Variants in MB21D2 observed in about 807,000 individuals in gnomAD.
MB21D2 encodes the protein nucleotidyltransferase MB21D2.
MB21D2 carries 9 observed loss-of-function variants against 33.3 expected under a neutral mutation model. That is an observed-to-expected ratio of 0.27 (90% confidence interval 0.16 to 0.47). The LOEUF (loss-of-function observed/expected upper bound fraction) is 0.47, where lower values mean the gene tolerates loss of function less well. Among genes scored for constraint, MB21D2 ranks in the 20% least tolerant of loss-of-function variants. The pLI is 0.99. For missense variants in MB21D2, 540 were observed against 624.6 expected (o/e 0.86, Z 1.44); for synonymous variants, 241 against 236.3 (o/e 1.02, Z -0.18).
At chr3:192,841,940 T>C (rs906371436) in intron 1 of MB21D2, among the ~76,000 whole-genome samples, 1 of 151,444 alleles carries the variant, frequency 6.6e-6, no homozygotes, top group African/African-American at 2.4e-5. Context: ...GGCAGAGGGG[T>C]GAGAGGGTTT....
chr3:192,860,138 C>G (rs1277759273), intron 1 of MB21D2, among the ~76,000 whole-genome samples: 1 of 152,170 alleles, frequency 6.6e-6, no homozygotes, highest in East Asian at 1.9e-4. Context: ...GTAGGACAGG[C>G]CTCCAAACTG....
chr3:192,867,851 G>A (rs901876710), intron 1 of MB21D2, among the ~76,000 whole-genome samples: 1 of 152,162 alleles, frequency 6.6e-6, no homozygotes, highest in African/African-American at 2.4e-5. Context: ...TGGGAGCCCG[G>A]ATCTTCCGCA....
At chr3:192,835,041 C>T (rs1359687631) in intron 1 of MB21D2, among the ~76,000 whole-genome samples, 1 of 150,272 alleles carries the variant, frequency 6.7e-6, no homozygotes, top group Non-Finnish European at 1.5e-5. Flanking sequence ...ATCTCTTGAC[C>T]TCGTGATCAG....
intron 1 of MB21D2, among the ~76,000 whole-genome samples, chr3:192,836,900 C>T (rs1712452832): frequency 6.6e-6 from 1 of 152,132 alleles, no homozygotes; most frequent in South Asian, 2.1e-4. Context: ...GGTACTCCAA[C>T]AGGGCTCATG....
intron 1 of MB21D2, among the ~76,000 whole-genome samples, chr3:192,911,000 T>C (rs1714340557): frequency 2.0e-5 from 3 of 152,342 alleles, no homozygotes; most frequent in East Asian, 1.9e-4. Context: ...GCCCAACTTA[T>C]ATATTTAGAA....
At chr3:192,852,167 C>A (rs529167592) in intron 1 of MB21D2, among the ~76,000 whole-genome samples, 3 of 152,180 alleles carry the variant, frequency 2.0e-5, no homozygotes, top group African/African-American at 7.2e-5. Context: ...AAATATGGGG[C>A]GAGATGCCTC....
At chr3:192,911,143 T>C (rs1202926544) in intron 1 of MB21D2, among the ~76,000 whole-genome samples, 1 of 152,202 alleles carries the variant, frequency 6.6e-6, no homozygotes, top group African/African-American at 2.4e-5. Flanking sequence ...CAGGGTTTTG[T>C]ATTCATCCTG....
intron 1 of MB21D2, among the ~76,000 whole-genome samples, chr3:192,824,492 AAAAT>A (rs61642372): frequency 0.027 from 3,981 of 147,564 alleles, 127 homozygotes; most frequent in African/African-American, 0.07. Flanking sequence ...CTGATTTCTG[AAAAT>A]AAATAAATAA....
chr3:192,801,820 G>A (rs1484667589), intron 1 of MB21D2, among the ~76,000 whole-genome samples: 4 of 152,166 alleles, frequency 2.6e-5, no homozygotes, highest in South Asian at 2.1e-4. Flanking sequence ...AAAATTTAAC[G>A]CTCATTTATT....
chr3:192,882,661 T>A (rs956702983), intron 1 of MB21D2, among the ~76,000 whole-genome samples: 1 of 152,078 alleles, frequency 6.6e-6, no homozygotes, highest in Non-Finnish European at 1.5e-5. Flanking sequence ...TTTAGATGTA[T>A]ATAATTTCTC....
Position 192,877,780 on chromosome 3 carries a change from C to G in MB21D2, c.211+39850G>C, listed in dbSNP as rs563844292. ...AATTACTCAGATTGGGGCTGAGGATCTAGCAAACTCACATGCAAGTACTGC... is the reference window on the plus strand; with the variant it reads ...AATTACTCAGATTGGGGCTGAGGATGTAGCAAACTCACATGCAAGTACTGC... On this transcript the variant is annotated intron_variant, in intron 1 of 1. Coordinates refer to ENST00000392452, the MANE Select transcript of MB21D2 (RefSeq NM_178496.4). 6.2e-4 allele frequency among the ~76,000 whole-genome samples: 94 copies of G among 152,328 alleles called. 1 individual carries two copies. The highest frequency in any genetic ancestry group is 1.1e-3 in the Non-Finnish European group (75 of 68,030).
intron 1 of MB21D2, among the ~76,000 whole-genome samples, chr3:192,800,967 T>C (rs927794926): frequency 6.6e-6 from 1 of 152,224 alleles, no homozygotes; most frequent in Admixed American, 6.5e-5. Context: ...TCTTCTCGAA[T>C]TGTATACGTT....
intron 1 of MB21D2, among the ~76,000 whole-genome samples, chr3:192,913,745 T>C (rs952313665): frequency 6.6e-6 from 1 of 152,090 alleles, no homozygotes; most frequent in Admixed American, 6.5e-5. Context: ...GACAGGAAGA[T>C]AGCTTACGCC....
intron 1 of MB21D2, among the ~76,000 whole-genome samples, chr3:192,897,220 G>T (rs1713996817): frequency 6.6e-6 from 1 of 152,044 alleles, no homozygotes; most frequent in Admixed American, 6.6e-5. Context: ...AGTCAGAGAG[G>T]CTAGTTTGAT....
intron 1 of MB21D2, among the ~76,000 whole-genome samples, chr3:192,843,211 C>T (rs1352307192): frequency 1.3e-5 from 2 of 152,186 alleles, no homozygotes; most frequent in Non-Finnish European, 2.9e-5. Context: ...GGGAGAGGCT[C>T]AATCACCCAC....
At chr3:192,915,773 G>T (rs983650579) in intron 1 of MB21D2, among the ~76,000 whole-genome samples, 1 of 152,118 alleles carries the variant, frequency 6.6e-6, no homozygotes, top group African/African-American at 2.4e-5. Flanking sequence ...AAGCACAGAA[G>T]TTCCTCATGA....
At chr3:192,905,139 TA>T in intron 1 of MB21D2, among the ~76,000 whole-genome samples, 1 of 152,358 alleles carries the variant, frequency 6.6e-6, no homozygotes, top group South Asian at 2.1e-4. Context: ...TGAAGCAGCC[TA>T]AAACAGTGCT....
In MB21D2 at chr3:192,849,316, T is replaced by TC. The variant is rs1394136617; in HGVS notation, c.212-49667_212-49666insG. ...TGCAAGTTTTTCACGTCTCTTTTTT[T>TC]GGGGGGGGGGCGGGGGGTGGGGGTG... On this transcript the variant is annotated intron_variant, in intron 1 of 1. Transcript: ENST00000392452. Among the ~76,000 whole-genome samples the TC allele has an allele frequency of 4.3e-5, 4 of 92,168 alleles. No homozygotes were observed. The Admixed American group carries it at 5.2e-4, about 12-fold the overall frequency. The allele number at this position is 92,168 out of a possible 152,430, so 60.5% of individuals were successfully genotyped here.
chr3:192,899,044 T>C, intron 1 of MB21D2, among the ~76,000 whole-genome samples: 1 of 152,240 alleles, frequency 6.6e-6, no homozygotes, highest in Admixed American at 6.5e-5. Context: ...AAAAGAGCAC[T>C]GAGGCCCTCT....
Sources: allele counts gnomAD v4.1 joint callset (sites outside exome capture counted in the v4.1 genomes callset), GRCh38; gene constraint gnomAD v4.1.1; transcripts MANE v1.5; gene names NCBI Gene and HGNC (gene_info 2026-07-23, HGNC 2026-07-21).